FBN2: variants seen among roughly 807,000 people sequenced by gnomAD.
FBN2 encodes the protein fibrillin 2.
Under a neutral mutation model 355.6 loss-of-function variants are expected in FBN2, and 105 were observed. The ratio of observed to expected loss-of-function variants is 0.30; its 90% CI spans 0.25 to 0.35. FBN2 has a LOEUF of 0.35. FBN2 is among the 10% of genes least tolerant of loss of function. The pLI, the probability that FBN2 is intolerant of heterozygous loss-of-function variation, is 1.00. For synonymous variants in FBN2, 1,350 were observed against 1,301.2 expected (o/e 1.04, Z -0.81); for missense variants, 3,280 against 3,758.7 (o/e 0.87, Z 3.33).
chr5:128,513,613 T>C (rs1320861829), intron 5 of FBN2, among the ~76,000 whole-genome samples: 2 of 152,226 alleles, frequency 1.3e-5, no homozygotes, highest in Non-Finnish European at 2.9e-5. Flanking sequence ...CAGTCTTATT[T>C]TACAGATCTA....
At chr5:128,376,990 AG>A (rs750875033) in intron 13 of FBN2, 137 bp from the exon 14 acceptor site, 54 of 1,044,936 alleles carry the variant, frequency 5.2e-5, no homozygotes, top group Non-Finnish European at 6.9e-5. Flanking sequence ...TTTTAAAAAA[AG>A]AACGCCAACT....
At position 128,361,706 on chromosome 5, in the gene FBN2, A is replaced by T; in HGVS notation, c.2554+17T>A. On this transcript the variant is annotated intron_variant, in intron 19 of 64. Coordinates refer to ENST00000262464, the MANE Select transcript of FBN2 (RefSeq NM_001999.4). ...GTACTCACTATGCACAAATAAGGCGATGAAGACAGCTCTTACCTTCACAGG... is the reference window on the plus strand; with the variant it reads ...GTACTCACTATGCACAAATAAGGCGTTGAAGACAGCTCTTACCTTCACAGG... 1 of 1,614,116 alleles carries T rather than the reference A, an allele frequency of 6.2e-7. No homozygotes were observed. Among genetic ancestry groups the T allele is most frequent in the Non-Finnish European group, 8.5e-7 (1 of 1,179,942 alleles).
intron 7 of FBN2, among the ~76,000 whole-genome samples, chr5:128,428,968 C>T (rs1260124501): frequency 1.3e-5 from 2 of 152,204 alleles, no homozygotes; most frequent in Non-Finnish European, 2.9e-5. Flanking sequence ...TTCCTGACAG[C>T]TTATCCTCAT....
intron 55 of FBN2, 95 bp from the exon 56 acceptor site, chr5:128,280,412 T>G: frequency 1.1e-6 from 1 of 927,304 alleles, no homozygotes; most frequent in East Asian, 2.5e-5. Context: ...TAACACTTCT[T>G]TGCCAAAATA....
At chr5:128,315,164 AAAT>A (rs1750167779) in intron 36 of FBN2, among the ~76,000 whole-genome samples, 1 of 152,236 alleles carries the variant, frequency 6.6e-6, no homozygotes, top group Non-Finnish European at 1.5e-5. Context: ...TCATTTTAAA[AAAT>A]AATTTACAGA....
chr5:128,295,743 C>T (rs1286234167), intron 48 of FBN2, among the ~76,000 whole-genome samples: 3 of 132,344 alleles, frequency 2.3e-5, no homozygotes, highest in East Asian at 2.1e-4. Context: ...TGGGCTGAGA[C>T]AATGGGGTTT....
chr5:128,536,601 A>G (rs1756853555), intron 1 of FBN2, 117 bp from the exon 2 acceptor site: 1 of 756,302 alleles, frequency 1.3e-6, no homozygotes, highest in Non-Finnish European at 2.4e-6. Context: ...ACAAATCAAA[A>G]TTACACTTCA....
chr5:128,481,618 A>G (rs1041554693), intron 5 of FBN2, among the ~76,000 whole-genome samples: 2 of 152,168 alleles, frequency 1.3e-5, no homozygotes, highest in Non-Finnish European at 2.9e-5. Flanking sequence ...CTCAACTAAA[A>G]TTTTAAATTT....
intron 46 of FBN2, among the ~76,000 whole-genome samples, chr5:128,302,025 C>T (rs572059506): frequency 6.6e-6 from 1 of 152,268 alleles, no homozygotes; most frequent in South Asian, 2.1e-4. Context: ...ATTAAGTTTT[C>T]ATTTAAGTTT....
chr5:128,361,024 C>G (rs1751626044), intron 19 of FBN2, among the ~76,000 whole-genome samples: 1 of 152,076 alleles, frequency 6.6e-6, no homozygotes, highest in Non-Finnish European at 1.5e-5. Flanking sequence ...GTACTTTGAT[C>G]AAGATACAAA....
intron 48 of FBN2, among the ~76,000 whole-genome samples, chr5:128,296,782 A>T (rs1749530863): frequency 1.3e-5 from 2 of 152,130 alleles, no homozygotes; most frequent in South Asian, 4.2e-4. Flanking sequence ...TCCTTTCAAA[A>T]AACCAGCTCC....
intron 11 of FBN2, among the ~76,000 whole-genome samples, chr5:128,381,250 GA>G (rs1752228205): frequency 1.3e-5 from 2 of 152,032 alleles, no homozygotes; most frequent in Non-Finnish European, 2.9e-5. Context: ...AAGAAAAAGA[GA>G]AAAATATAAT....
At chr5:128,450,115 C>A (rs1754197701) in intron 6 of FBN2, among the ~76,000 whole-genome samples, 1 of 151,994 alleles carries the variant, frequency 6.6e-6, no homozygotes, top group South Asian at 2.1e-4. Context: ...CTTCTCTTAA[C>A]TAAAAGAATA....
intron 7 of FBN2, 68 bp downstream of exon 7, chr5:128,446,413 A>C: frequency 6.5e-6 from 10 of 1,548,860 alleles, no homozygotes; most frequent in Non-Finnish European, 8.9e-6. Context: ...TCAAAATTTC[A>C]AATGAAGTCC....
At chr5:128,494,109 A>G (rs1276909210) in intron 5 of FBN2, among the ~76,000 whole-genome samples, 1 of 152,172 alleles carries the variant, frequency 6.6e-6, no homozygotes, top group Admixed American at 6.5e-5. Flanking sequence ...CAAGAAGACT[A>G]GAGGTGATCA....
At chr5:128,275,051 A>C (rs994494565) in intron 59 of FBN2, among the ~76,000 whole-genome samples, 1 of 152,212 alleles carries the variant, frequency 6.6e-6, no homozygotes. Flanking sequence ...GATTAAATAA[A>C]AATGAAACAG....
chr5:128,359,684 T>C (rs1277041796), intron 19 of FBN2, among the ~76,000 whole-genome samples: 1 of 152,124 alleles, frequency 6.6e-6, no homozygotes, highest in Non-Finnish European at 1.5e-5. Context: ...TAAGTATGCT[T>C]GTAATAAGTG....
chr5:128,385,877 T>C (rs368293953), intron 11 of FBN2, among the ~76,000 whole-genome samples: 1 of 152,284 alleles, frequency 6.6e-6, no homozygotes, highest in East Asian at 1.9e-4. Flanking sequence ...ACCCATTATT[T>C]AATGAGATTT....
intron 1 of FBN2, 84 bp from the exon 2 acceptor site, chr5:128,536,568 G>C (rs2112809420): frequency 1.1e-6 from 1 of 913,448 alleles, no homozygotes; most frequent in East Asian, 2.6e-5. Flanking sequence ...AATGCCCCGA[G>C]CGAGTAGATT....
Sources: gnomAD v4.1 joint callset for allele counts (sites outside exome capture counted in the v4.1 genomes callset) on GRCh38, gnomAD v4.1.1 for gene constraint, MANE v1.5 for transcripts, NCBI Gene and HGNC (gene_info 2026-07-23, HGNC 2026-07-21) for gene names.